The following MICALL1 variants were observed in gnomAD, a reference collection of about 807,000 sequenced individuals.
The protein encoded by MICALL1 is MICAL-like protein 1.
In MICALL1, 61 loss-of-function variants were observed where a neutral mutation model predicts 83.7. The observed-to-expected ratio is 0.73, with a 90% confidence interval of 0.59 to 0.90. MICALL1 has a LOEUF of 0.90. Ranked by LOEUF, MICALL1 falls within the 40% of genes least tolerant of loss-of-function variation. MICALL1 has a pLI of 0.00. For synonymous variants in MICALL1, 481 were observed against 473.6 expected, an observed-to-expected ratio of 1.02 and a Z score of -0.20; for missense variants, 1,066 against 1,152.0, an observed-to-expected ratio of 0.93 and a Z score of 1.08.
rs1296344105 is a variant in MICALL1, at chr22:37,912,055, G to A, written c.195+55G>A. 3 of 1,589,760 alleles carry A rather than the reference G, an allele frequency of 1.9e-6. No homozygotes were observed. In the African/African-American group the frequency reaches 4.0e-5, roughly 21 times the overall value. ...AGGCTCTGTGTATGTGTGTGTGTGT[G>A]TGTGTGTGTTTGGTGGGGAGGGCAG... On this transcript the variant is annotated intron_variant, in intron 2 of 15. Coordinates refer to ENST00000215957, the MANE Select transcript of MICALL1 (RefSeq NM_033386.4).
In MICALL1 at chr22:37,942,144, A is replaced by G. The variant is rs1601843271; in HGVS notation, c.*1314A>G. On this transcript the variant is annotated 3_prime_UTR_variant, in exon 16 of 16. Transcript: ENST00000215957. ...TCCTCCAAGAGGGATCTCTGCCCTC[A>G]CCGCCTGCCACTGGGCAGGATCCCT... is the stretch of plus-strand genomic sequence containing the variant. 1 of 152,148 alleles carries G rather than the reference A, an allele frequency of 6.6e-6. No individual in the cohort carries two copies. The highest frequency in any genetic ancestry group is 2.4e-5 in the African/African-American group (1 of 41,426). 9.4% of individuals were successfully genotyped at this position (152,148 alleles called of 1,614,324 possible). A position where few individuals can be genotyped will look rare whatever the true frequency, so the allele number is the denominator to read the frequency against.
In MICALL1 at chr22:37,922,114, A is replaced by C. The variant is rs1929072703; in HGVS notation, c.712A>C (p.Lys238Gln). ...CAGGCCTGGGCCCTTCTCACAGCCA[A>C]AGCAGCAGCACCAGCAGCAACTCGC... ...GTRPGPFSQP[K>Q]QQHQQQLAED... The change falls in exon 6 of 16, where the codon AAG (lysine) becomes CAG (glutamine). Residue 238 changes from lysine to glutamine, a missense_variant. Transcript: ENST00000215957. 6.2e-7 allele frequency: 1 copy of C among 1,613,152 alleles called. No homozygotes were observed. The highest frequency in any genetic ancestry group is 1.7e-5 in the Admixed American group (1 of 60,012).
At chr22:37,934,149 T>G (rs1283476134) in intron 13 of MICALL1, among the ~76,000 whole-genome samples, 1 of 152,212 alleles carries the variant, frequency 6.6e-6, no homozygotes, top group Non-Finnish European at 1.5e-5. Context: ...CAGGGCTTAC[T>G]GTGGCTTTTC....
chr22:37,929,027 G>T (rs1929646594), intron 9 of MICALL1, among the ~76,000 whole-genome samples: 1 of 152,076 alleles, frequency 6.6e-6, no homozygotes, highest in African/African-American at 2.4e-5. Flanking sequence ...GGAGGCTGAG[G>T]TAGGAGAATT....
chr22:37,911,831 C>A, intron 1 of MICALL1, 121 bp from the exon 2 acceptor site: 1 of 941,182 alleles, frequency 1.1e-6, no homozygotes, highest in African/African-American at 1.6e-5. Context: ...AGCAACCCTG[C>A]TGAGGTTGAT....
Position 37,932,675 on chromosome 22 carries a change from G to A in MICALL1, c.2139G>A (p.Leu713=), listed in dbSNP as rs779527006. The A allele has an allele frequency of 2.5e-5, 40 of 1,613,678 alleles. No homozygotes were observed. The highest frequency in any genetic ancestry group is 2.3e-4 in the African/African-American group (17 of 74,944). The part of the protein sequence containing the change: ...VLLEEKLRGG[L]NEGREDDMLV... ...TGGAGGAGAAGCTGCGTGGCGGCCT[G>A]AATGGTGCGGGAGCGGCTGGGAGGG... Residue 713 remains leucine (L), a synonymous_variant, in exon 11 of 16, where the codon CTG becomes CTA. Transcript: ENST00000215957. The surrounding 1 kb of genome is among the most constrained non-coding windows in gnomAD (Gnocchi z 4.4).
intron 6 of MICALL1, among the ~76,000 whole-genome samples, chr22:37,922,773 C>A (rs1455806943): frequency 7.6e-6 from 1 of 131,092 alleles, no homozygotes; most frequent in East Asian, 2.2e-4. Context: ...CCATGCCCAG[C>A]TAATTTTGTT....
At chr22:37,936,930 C>T (rs1227571380) in intron 13 of MICALL1, 150 bp from the exon 14 acceptor site, 1 of 596,120 alleles carries the variant, frequency 1.7e-6, no homozygotes, top group African/African-American at 1.9e-5. Context: ...GTAAGCCCCA[C>T]CTATCGGGGC....
intron 6 of MICALL1, among the ~76,000 whole-genome samples, 167 bp downstream of exon 6, chr22:37,922,593 ATATATATATTTTTTTTT>A (rs1929128249): frequency 1.2e-5 from 1 of 81,856 alleles, no homozygotes; most frequent in African/African-American, 4.9e-5. Flanking sequence ...ATATATATAT[ATATATATATTTTTTTTT>A]TTTTTTTTTT....
chr22:37,909,147 G>A (rs952912830), intron 1 of MICALL1, among the ~76,000 whole-genome samples: 2 of 152,042 alleles, frequency 1.3e-5, no homozygotes, highest in African/African-American at 4.8e-5. Flanking sequence ...CTGCCTCCCG[G>A]ATTCAAGCGA....
At chr22:37,933,979 T>A (rs181141725) in intron 13 of MICALL1, among the ~76,000 whole-genome samples, 20 of 152,154 alleles carry the variant, frequency 1.3e-4, no homozygotes, top group Admixed American at 1.1e-3. Flanking sequence ...GAGGCTGGAG[T>A]GTCCCAGGGG....
At chr22:37,927,283 C>A (rs961906288) in intron 8 of MICALL1, 128 bp from the exon 9 acceptor site, 22 of 1,138,718 alleles carry the variant, frequency 1.9e-5, no homozygotes, top group Non-Finnish European at 2.5e-5. Context: ...GGCCTTGGCC[C>A]TGTCTCGATG....
rs759388082 is a variant in MICALL1, at chr22:37,927,662, C to A, written c.1717C>A (p.Gln573Lys). 1 of 1,614,058 alleles carries A rather than the reference C, an allele frequency of 6.2e-7. No homozygotes were observed. Among genetic ancestry groups the A allele is most frequent in the African/African-American group, 1.3e-5 (1 of 74,928 alleles). Residue 573 changes from glutamine to lysine, a missense_variant, in exon 9 of 16, where the codon CAA becomes AAA. By Grantham distance (53) the Gln-to-Lys change is moderately conservative. Coordinates refer to ENST00000215957, the MANE Select transcript of MICALL1 (RefSeq NM_033386.4). ...SGELVEPRVEQMPQASPGLAP... is the reference protein window; with the variant it reads ...SGELVEPRVEKMPQASPGLAP... ...GGAACTAGTGGAGCCTAGAGTGGAA[C>A]AAATGCCTCAAGCCAGCCCTGGCCT...
chr22:37,917,829 G>T, intron 4 of MICALL1, 34 bp downstream of exon 4: 1 of 1,586,078 alleles, frequency 6.3e-7, no homozygotes. Context: ...GGAGGGCCAG[G>T]GGTGGAGGGG....
intron 15 of MICALL1, among the ~76,000 whole-genome samples, chr22:37,938,457 CT>C (rs757450191): frequency 1.7e-3 from 197 of 118,458 alleles, no homozygotes; most frequent in Admixed American, 1.9e-3. Context: ...TTTTTCTTTT[CT>C]TTTTTTTTTT....
intron 15 of MICALL1, among the ~76,000 whole-genome samples, chr22:37,939,517 T>C (rs923237420): frequency 1.1e-4 from 17 of 152,288 alleles, no homozygotes; most frequent in African/African-American, 4.1e-4. Flanking sequence ...GGCTCACGCC[T>C]GTAATGCCAG....
rs997489749 is a variant in MICALL1 at position 37,932,145 on chromosome 22, T to A, written c.2016+212T>A. On this transcript the variant is annotated intron_variant, in intron 10 of 15. Coordinates refer to ENST00000215957, the MANE Select transcript of MICALL1 (RefSeq NM_033386.4). The surrounding 1 kb of genome is among the most constrained non-coding windows in gnomAD (Gnocchi z 4.4). ...ATCAGCCCTTCACCACCAAAAGCAG[T>A]GGGTGGTGCATTTAATTTGTTACTA... Among the ~76,000 whole-genome samples, 1 of 152,172 alleles carries A rather than the reference T, an allele frequency of 6.6e-6. No individual in the cohort carries two copies. The highest frequency in any genetic ancestry group is 1.5e-5 in the Non-Finnish European group (1 of 68,020).
At position 37,925,961 on chromosome 22, in the gene MICALL1, C is replaced by T. The variant is rs1311732359; in HGVS notation, c.1383C>T (p.His461=). ...CGGAGTCCACACCCAAGTCCCTGCA[C>T]CCCTGGTACGGCATCACCCCTACCA... ...GHPESTPKSL[H]PWYGITPTSS... The change falls in exon 8 of 16, where the codon CAC becomes CAT. Residue 461 remains histidine, a synonymous_variant. Transcript: ENST00000215957. 1.9e-6 allele frequency: 3 copies of T among 1,613,956 alleles called. No homozygotes were observed. The East Asian group carries it at 6.7e-5, about 36-fold the overall frequency.
chr22:37,912,530 A>AG, intron 3 of MICALL1, 38 bp downstream of exon 3: 1 of 1,556,716 alleles, frequency 6.4e-7, no homozygotes, highest in Non-Finnish European at 8.8e-7. Flanking sequence ...AGGCTGGCCC[A>AG]GGGGGTGGCC....
Sources: gnomAD v4.1 joint callset for allele counts (sites outside exome capture counted in the v4.1 genomes callset) on GRCh38, gnomAD v4.1.1 for gene constraint, Gnocchi (gnomAD v3.1) non-coding constraint, MANE v1.5 for transcripts, NCBI Gene and HGNC (gene_info 2026-07-23, HGNC 2026-07-21) for gene names.